Variants in ABCA1 observed in about 807,000 individuals in gnomAD.
The protein encoded by ABCA1 is ATP binding cassette subfamily A member 1, also known as phospholipid-transporting ATPase ABCA1.
Under a neutral mutation model 262.5 loss-of-function variants are expected in ABCA1, and 133 were observed. That is an observed-to-expected ratio of 0.51 (90% confidence interval 0.44 to 0.59). ABCA1 has a LOEUF of 0.59. Among genes scored for constraint, ABCA1 ranks in the 20% least tolerant of loss-of-function variants. The pLI is 0.00. For synonymous variants in ABCA1, 1,022 were observed against 1,043.5 expected, an observed-to-expected ratio of 0.98 and a Z score of 0.40; for missense variants, 2,452 against 2,777.5, an observed-to-expected ratio of 0.88 and a Z score of 2.63.
At position 104,832,569 on chromosome 9, in the gene ABCA1, T is replaced by C; in HGVS notation, c.1509+5A>G. On this transcript the variant is annotated splice_donor_5th_base_variant and intron_variant, in intron 12 of 49. Transcript: ENST00000374736. ...TTTTCTAAATGATCCCAGCAACAGA[T>C]TCACCTCCATGAAGCGAGATATGGT... 1 of 1,614,164 alleles carries C rather than the reference T, an allele frequency of 6.2e-7. No individual in the cohort carries two copies. The highest frequency in any genetic ancestry group is 8.5e-7 in the Non-Finnish European group (1 of 1,180,014).
intron 1 of ABCA1, among the ~76,000 whole-genome samples, chr9:104,920,046 G>A (rs1842057561): frequency 6.6e-6 from 1 of 152,198 alleles, no homozygotes; most frequent in Non-Finnish European, 1.5e-5. Flanking sequence ...ATACAGACCT[G>A]GGGTTAGAGG....
chr9:104,912,078 A>G (rs1841529212), intron 1 of ABCA1, among the ~76,000 whole-genome samples: 1 of 152,258 alleles, frequency 6.6e-6, no homozygotes, highest in African/African-American at 2.4e-5. Flanking sequence ...TTTCACTTGA[A>G]TACACATCCA....
In ABCA1 at chr9:104,817,519, A is replaced by T; in HGVS notation, c.3463-115T>A. On this transcript the variant is annotated intron_variant, in intron 23 of 49. Coordinates refer to ENST00000374736, the MANE Select transcript of ABCA1 (RefSeq NM_005502.4). This position sits in a 1 kb window ranked among gnomAD's most constrained non-coding sequence, Gnocchi z 4.7. ...CTGTTGTGTGAGAACTAAAGGAAAA[A>T]GCTTTCCCTGGGACACATGCACTGG... 3 of 1,160,040 alleles carry T rather than the reference A, an allele frequency of 2.6e-6. No individual in the cohort carries two copies. The highest frequency in any genetic ancestry group is 3.8e-6 in the Non-Finnish European group (3 of 791,724). 71.9% of individuals were successfully genotyped at this position (1,160,040 alleles called of 1,614,324 possible).
chr9:104,801,467 G>A (rs547051023), intron 34 of ABCA1, among the ~76,000 whole-genome samples: 7 of 151,420 alleles, frequency 4.6e-5, no homozygotes, highest in South Asian at 2.1e-4. Context: ...TGCTTTGCCC[G>A]CCTCGGCATC....
At chr9:104,861,574 C>A (rs1836389522) in intron 6 of ABCA1, 105 bp downstream of exon 6, 1 of 1,483,798 alleles carries the variant, frequency 6.7e-7, no homozygotes, top group Admixed American at 1.7e-5. Context: ...TACCTCCCTC[C>A]CCTTCACCAC....
intron 40 of ABCA1, 42 bp from the exon 41 acceptor site, chr9:104,793,342 CA>C: frequency 6.2e-7 from 1 of 1,613,710 alleles, no homozygotes. Context: ...ATGGAGGGAT[CA>C]AAAACCATGG....
chr9:104,793,791 C>T (rs1829630275), intron 40 of ABCA1, among the ~76,000 whole-genome samples: 1 of 152,128 alleles, frequency 6.6e-6, no homozygotes, highest in Admixed American at 6.6e-5. Context: ...CCTTACATAT[C>T]TCCTTTGTAG....
intron 5 of ABCA1, among the ~76,000 whole-genome samples, chr9:104,874,456 T>TCGGGAGGCTGAGG (rs1282458270): frequency 8.3e-4 from 126 of 152,166 alleles, no homozygotes; most frequent in Non-Finnish European, 1.5e-3. Context: ...TCCCAGCTAT[T>TCGGGAGGCTGAGG]CGGGAGGCTG....
intron 3 of ABCA1, among the ~76,000 whole-genome samples, chr9:104,886,193 A>G (rs867134984): frequency 1.2e-4 from 17 of 143,616 alleles, no homozygotes; most frequent in Middle Eastern, 3.5e-3. Flanking sequence ...CAGCAGGAAC[A>G]CTCCTTCCAT....
chr9:104,817,435 C>T lies in ABCA1; in HGVS notation c.3463-31G>A. On this transcript the variant is annotated intron_variant, in intron 23 of 49. Transcript: ENST00000374736. This position sits in a 1 kb window ranked among gnomAD's most constrained non-coding sequence, Gnocchi z 4.7. Reference sequence around the variant, plus strand: ...GGCAAAGAAGGAGGTGAGAACGGGTCAGGGACGGAGCAAGGCAGAGCCACC... The same window carrying T: ...GGCAAAGAAGGAGGTGAGAACGGGTTAGGGACGGAGCAAGGCAGAGCCACC... 1.2e-6 allele frequency: 2 copies of T among 1,613,416 alleles called. No individual in the cohort carries two copies. The highest frequency in any genetic ancestry group is 1.7e-6 in the Non-Finnish European group (2 of 1,179,414).
At position 104,818,747 on chromosome 9, in the gene ABCA1, G is replaced by A. The variant is rs1466859975; in HGVS notation, c.3378C>T (p.Tyr1126=). 4 of 1,613,832 alleles carry A rather than the reference G, an allele frequency of 2.5e-6. No individual in the cohort carries two copies. Among genetic ancestry groups the A allele is most frequent in the Non-Finnish European group, 3.4e-6 (4 of 1,180,046 alleles). Residue 1126 remains tyrosine, a synonymous_variant, in exon 23 of 50, where the codon TAC becomes TAT. Coordinates refer to ENST00000374736, the MANE Select transcript of ABCA1 (RefSeq NM_005502.4). ...LFLKNQLGTG[Y]YLTLVKKDVE... ...CATCTTTCTTGACCAAGGTCAGGTAGTAGCCTGTTCCCAGCTGGTTCTTCA... is the reference window on the plus strand; with the variant it reads ...CATCTTTCTTGACCAAGGTCAGGTAATAGCCTGTTCCCAGCTGGTTCTTCA...
At chr9:104,831,536 A>C in intron 13 of ABCA1, 86 bp downstream of exon 13, 1 of 1,126,848 alleles carries the variant, frequency 8.9e-7, no homozygotes, top group Non-Finnish European at 1.2e-6. Context: ...CCAAATTTTT[A>C]GTTAAAATAA....
At chr9:104,921,243 T>C (rs12347858) in intron 1 of ABCA1, among the ~76,000 whole-genome samples, 21,957 of 152,132 alleles carry the variant, frequency 0.14, 2,389 homozygotes, top group African/African-American at 0.31. Context: ...AGATAAAATG[T>C]TTTGACTTCC....
rs546746550 is a variant in ABCA1 at position 104,841,022 on chromosome 9, C to T, written c.814-503G>A. On this transcript the variant is annotated intron_variant, in intron 8 of 49. Transcript: ENST00000374736. ...TAACTGACTCATTTCTAAAACTCCCCGAACTCTAGTGTAGAAATTGAACAG... is the reference window on the plus strand; with the variant it reads ...TAACTGACTCATTTCTAAAACTCCCTGAACTCTAGTGTAGAAATTGAACAG... Among the ~76,000 whole-genome samples the T allele has an allele frequency of 3.9e-5, 6 of 152,150 alleles. No homozygotes were observed. The South Asian group carries it at 6.2e-4, about 16-fold the overall frequency.
chr9:104,826,188 T>C (rs537156383), intron 16 of ABCA1, among the ~76,000 whole-genome samples: 5 of 152,288 alleles, frequency 3.3e-5, no homozygotes, highest in African/African-American at 9.6e-5. Context: ...AGCAATCCTG[T>C]TCCCCCACAC....
rs955653535 is a variant in ABCA1 at position 104,806,249 on chromosome 9, G to C, written c.4456C>G (p.Pro1486Ala). 1 of 1,612,826 alleles carries C rather than the reference G, an allele frequency of 6.2e-7. No individual in the cohort carries two copies. Among genetic ancestry groups the C allele is most frequent in the African/African-American group, 1.3e-5 (1 of 74,886 alleles). ...VCPPGAGGLP[P>A]PQRKQNTADI... ...CCCTGAAAGTGACTCACTTGTGGAG[G>C]AGGCAGCCCCCCTGCCCCTGGGGGA... The change falls in exon 31 of 50, where the codon CCT (proline) becomes GCT (alanine). Residue 1486 changes from proline to alanine, a missense_variant. Pro to Ala is a conservative substitution (Grantham distance 27). Transcript: ENST00000374736.
At chr9:104,905,292 A>C (rs1284226306) in intron 1 of ABCA1, among the ~76,000 whole-genome samples, 1 of 152,200 alleles carries the variant, frequency 6.6e-6, no homozygotes, top group Admixed American at 6.5e-5. Context: ...TCCAAATGAG[A>C]TCTCCATGCC....
At position 104,811,055 on chromosome 9, in the gene ABCA1, G is replaced by C. The variant is rs185555622; in HGVS notation, c.4051-131C>G. ...ACCAGCACGGCAATGAGGAATGCAG[G>C]GCCTATGACTGTGCTGCACCAAGGC... is the stretch of plus-strand genomic sequence containing the variant. On this transcript the variant is annotated intron_variant, in intron 28 of 49. Transcript: ENST00000374736. The C allele has an allele frequency of 1.9e-3, 2,502 of 1,344,174 alleles. 74 individuals are homozygous for C. The Admixed American group carries it at 0.045, about 24-fold the overall frequency. 83.3% of individuals were successfully genotyped at this position (1,344,174 alleles called of 1,614,324 possible).
chr9:104,788,302 A>G, intron 45 of ABCA1, 124 bp downstream of exon 45: 2 of 1,406,652 alleles, frequency 1.4e-6, no homozygotes, highest in Non-Finnish European at 1.0e-6. Flanking sequence ...ACAAAGAACC[A>G]GCATTTTGTG....
Sources: allele counts gnomAD v4.1 joint callset (sites outside exome capture counted in the v4.1 genomes callset), GRCh38; gene constraint gnomAD v4.1.1; non-coding constraint Gnocchi (gnomAD v3.1); transcripts MANE v1.5; gene names NCBI Gene and HGNC (gene_info 2026-07-23, HGNC 2026-07-21).